The following STON2 variants were observed in gnomAD, a reference collection of about 807,000 sequenced individuals.
The protein encoded by STON2 is stonin-2.
A neutral mutation model predicts 65.7 loss-of-function variants in STON2; 29 were observed. The observed-to-expected ratio is 0.44, with a 90% confidence interval of 0.33 to 0.60. The LOEUF (loss-of-function observed/expected upper bound fraction) is 0.60, where lower values mean the gene tolerates loss of function less well. Ranked by LOEUF, STON2 falls within the 20% of genes least tolerant of loss-of-function variation. The pLI is 0.03. For synonymous variants in STON2, 404 were observed against 414.2 expected, an observed-to-expected ratio of 0.98 and a Z score of 0.30; for missense variants, 1,054 against 1,118.1, an observed-to-expected ratio of 0.94 and a Z score of 0.82.
intron 3 of STON2, among the ~76,000 whole-genome samples, chr14:81,380,287 A>G (rs1899451771): frequency 6.6e-6 from 1 of 152,258 alleles, no homozygotes; most frequent in Admixed American, 6.5e-5. Context: ...AACCACAATG[A>G]GATACCATCT....
chr14:81,280,776 C>T (rs1262617612), intron 5 of STON2, among the ~76,000 whole-genome samples: 3 of 152,054 alleles, frequency 2.0e-5, no homozygotes, highest in East Asian at 1.9e-4. Context: ...TTTGGGAGGC[C>T]GGGACGGGCA....
At chr14:81,357,830 T>C (rs1447665469) in intron 4 of STON2, among the ~76,000 whole-genome samples, 14 of 141,998 alleles carry the variant, frequency 9.9e-5, no homozygotes, top group South Asian at 2.2e-4. Context: ...TAGGTGGGAA[T>C]TGAACAATGA....
rs1418717447 is a variant in STON2, at chr14:81,264,239, G to A, written c.*4175C>T. On this transcript the variant is annotated 3_prime_UTR_variant, in exon 8 of 8. Coordinates refer to ENST00000614646, the MANE Select transcript of STON2 (RefSeq NM_001394390.1). ...TAGTTCAAATTCAGCAGCATATTAA[G>A]TGCCTAAATGCTGACAGGTTTTATT... 1 of 985,300 alleles carries A rather than the reference G, an allele frequency of 1.0e-6. No homozygotes were observed. The highest frequency in any genetic ancestry group is 1.7e-5 in the African/African-American group (1 of 57,222). 61.0% of individuals were successfully genotyped at this position (985,300 alleles called of 1,614,324 possible).
chr14:81,433,801 T>TA (rs1680670545), intron 1 of STON2, among the ~76,000 whole-genome samples: 3 of 152,220 alleles, frequency 2.0e-5, no homozygotes. Flanking sequence ...ATGCCTGACT[T>TA]ACACTGGACA....
At chr14:81,386,112 T>A (rs1385417820) in intron 3 of STON2, among the ~76,000 whole-genome samples, 1 of 152,140 alleles carries the variant, frequency 6.6e-6, no homozygotes, top group Non-Finnish European at 1.5e-5. Context: ...GCATCAGCCC[T>A]GAGAAGGAAA....
chr14:81,343,084 T>C (rs1256032148), intron 4 of STON2, among the ~76,000 whole-genome samples: 1 of 151,950 alleles, frequency 6.6e-6, no homozygotes, highest in Non-Finnish European at 1.5e-5. Context: ...GTACCGAGGG[T>C]TTAGGAGAAA....
rs562094217 is a variant in STON2, at chr14:81,272,658, T to C, written c.2582-1786A>G. Among the ~76,000 whole-genome samples the C allele has an allele frequency of 3.2e-4, 48 of 152,306 alleles. No homozygotes were observed. In the South Asian group the frequency reaches 9.5e-3, roughly 30 times the overall value. ...TGGAATATTGAAAAATTTGCACTGATTTTCAGAAAAGAATTTAAGATACAT... is the reference window on the plus strand; with the variant it reads ...TGGAATATTGAAAAATTTGCACTGACTTTCAGAAAAGAATTTAAGATACAT... On this transcript the variant is annotated intron_variant, in intron 6 of 7. Coordinates refer to ENST00000614646, the MANE Select transcript of STON2 (RefSeq NM_001394390.1).
At chr14:81,330,626 G>A (rs1190883092) in intron 4 of STON2, among the ~76,000 whole-genome samples, 1 of 152,148 alleles carries the variant, frequency 6.6e-6, no homozygotes, top group African/African-American at 2.4e-5. Flanking sequence ...CTCCAAGAGA[G>A]CCAGTGTCCA....
intron 6 of STON2, among the ~76,000 whole-genome samples, chr14:81,274,895 A>T (rs1186155414): frequency 1.3e-5 from 2 of 152,120 alleles, no homozygotes; most frequent in African/African-American, 4.8e-5. Context: ...ACACAGCGAG[A>T]CTTCATTTCA....
intron 1 of STON2, among the ~76,000 whole-genome samples, chr14:81,428,357 C>T (rs143777333): frequency 5.3e-5 from 8 of 152,200 alleles, no homozygotes; most frequent in Non-Finnish European, 1.2e-4. Context: ...TAACTGGATA[C>T]GTCTACCAAA....
At chr14:81,371,492 G>A (rs1370504194) in intron 3 of STON2, among the ~76,000 whole-genome samples, 4 of 151,816 alleles carry the variant, frequency 2.6e-5, no homozygotes, top group Non-Finnish European at 5.9e-5. Context: ...TCAGGAGATC[G>A]AGACCATCCT....
chr14:81,308,781 CATATATATATAT>C lies in STON2; in HGVS notation c.742+15224_742+15235del, dbSNP rs57821672. Reference sequence around the variant, plus strand: ...TTCACCCAGAGGACATGGTTTTACCCATATATATATATATATATATATATATATATATATATA... The same window carrying C: ...TTCACCCAGAGGACATGGTTTTACCCATATATATATATATATATATATATA... On this transcript the variant is annotated intron_variant, in intron 5 of 7. Transcript: ENST00000614646. Among the ~76,000 whole-genome samples the C allele has an allele frequency of 3.2e-3, 29 of 9,166 alleles. 3 individuals carry two copies. The highest frequency in any genetic ancestry group is 0.018 in the East Asian group (6 of 340). The allele number at this position is 9,166 out of a possible 152,430, so 6.0% of individuals were successfully genotyped here.
intron 3 of STON2, among the ~76,000 whole-genome samples, chr14:81,392,554 T>C (rs956060565): frequency 6.6e-6 from 1 of 152,314 alleles, no homozygotes; most frequent in African/African-American, 2.4e-5. Flanking sequence ...AAGTGTAGCA[T>C]AGTCATGAAA....
chr14:81,414,899 T>A (rs1355749215), intron 2 of STON2, among the ~76,000 whole-genome samples: 1 of 152,076 alleles, frequency 6.6e-6, no homozygotes, highest in Non-Finnish European at 1.5e-5. Flanking sequence ...CTGATGTGGG[T>A]GAGGATGCTT....
chr14:81,358,731 G>A (rs192350453), intron 4 of STON2, among the ~76,000 whole-genome samples: 1 of 152,072 alleles, frequency 6.6e-6, no homozygotes, highest in East Asian at 1.9e-4. Context: ...AAGAGAGCTG[G>A]GATAGCTATA....
At chr14:81,327,055 G>T (rs913856246) in intron 4 of STON2, among the ~76,000 whole-genome samples, 1 of 152,224 alleles carries the variant, frequency 6.6e-6, no homozygotes, top group African/African-American at 2.4e-5. Context: ...CTATTTGGGA[G>T]GCTGAGGCAC....
At chr14:81,373,095 G>A (rs565248991) in intron 3 of STON2, among the ~76,000 whole-genome samples, 17 of 152,062 alleles carry the variant, frequency 1.1e-4, no homozygotes, top group Admixed American at 7.2e-4. Flanking sequence ...TGTACTACAC[G>A]CCCATGTCTT....
Position 81,263,954 on chromosome 14 carries a change from C to T in STON2, c.*4460G>A. 1.0e-6 allele frequency: 1 copy of T among 985,478 alleles called. No homozygotes were observed. Among genetic ancestry groups the T allele is most frequent in the Non-Finnish European group, 1.2e-6 (1 of 829,940 alleles). The allele number at this position is 985,478 out of a possible 1,614,324, so 61.0% of individuals were successfully genotyped here. On this transcript the variant is annotated 3_prime_UTR_variant, in exon 8 of 8. Transcript: ENST00000614646. Reference sequence around the variant, plus strand: ...TGACCTTACTATCTCAGACCTCCATCTTACTGTGGTGACAAAATAAATGCA... The same window carrying T: ...TGACCTTACTATCTCAGACCTCCATTTTACTGTGGTGACAAAATAAATGCA...
chr14:81,276,986 C>T lies in STON2; in HGVS notation c.2496G>A (p.Met832Ile). 6.2e-7 allele frequency: 1 copy of T among 1,614,236 alleles called. No homozygotes were observed. The highest frequency in any genetic ancestry group is 8.5e-7 in the Non-Finnish European group (1 of 1,180,042). Residue 832 changes from methionine to isoleucine, a missense_variant, in exon 6 of 8, where the codon ATG becomes ATA. Physicochemically the swap from Met to Ile is conservative, Grantham distance 10. Coordinates refer to ENST00000614646, the MANE Select transcript of STON2 (RefSeq NM_001394390.1). ...ACTTGGCAGTTCCCAGAGTTACTCT[C>T]ATGACAGGCTCAGAGCCAGAAACAC... Reference protein sequence around the residue: ...STSVSGSEPVMRVTLGTAKYE... With the variant: ...STSVSGSEPVIRVTLGTAKYE...
Sources: gnomAD v4.1 joint callset for allele counts (sites outside exome capture counted in the v4.1 genomes callset) on GRCh38, gnomAD v4.1.1 for gene constraint, MANE v1.5 for transcripts, NCBI Gene and HGNC (gene_info 2026-07-23, HGNC 2026-07-21) for gene names.